The following GULP1 variants were observed in gnomAD, a reference collection of about 807,000 sequenced individuals.
GULP1 encodes the protein GULP PTB domain containing engulfment adaptor 1, also known as PTB domain-containing engulfment adapter protein 1.
GULP1 carries 19 observed loss-of-function variants against 40.9 expected under a neutral mutation model. That is an observed-to-expected ratio of 0.46 (90% CI 0.32 to 0.68). GULP1 has a LOEUF of 0.68. GULP1 is among the 30% of genes least tolerant of loss of function. The pLI is 0.03. For missense variants in GULP1, 312 were observed against 362.2 expected, an observed-to-expected ratio of 0.86 and a Z score of 1.12; for synonymous variants, 119 against 117.6, an observed-to-expected ratio of 1.01 and a Z score of -0.08.
Position 188,321,595 on chromosome 2 carries a change from A to G in GULP1, c.-172+29429A>G, listed in dbSNP as rs2039988077. ...TACTGGCACTGTTTATCACTTGTATAGATGTATTTTTATTGAAATAAACTT... is the reference window on the plus strand; with the variant it reads ...TACTGGCACTGTTTATCACTTGTATGGATGTATTTTTATTGAAATAAACTT... On this transcript the variant is annotated intron_variant, in intron 1 of 11. Transcript: ENST00000409830. Among the ~76,000 whole-genome samples, 2 of 152,156 alleles carry G rather than the reference A, an allele frequency of 1.3e-5. 1 individual carries two copies. Among genetic ancestry groups the G allele is most frequent in the Admixed American group, 1.3e-4 (2 of 15,258 alleles).
At chr2:188,466,880 C>T (rs1053950900) in intron 2 of GULP1, among the ~76,000 whole-genome samples, 2 of 152,026 alleles carry the variant, frequency 1.3e-5, no homozygotes, top group Non-Finnish European at 2.9e-5. Flanking sequence ...TAAGGAAAGG[C>T]TTCAAAACAA....
Position 188,440,422 on chromosome 2 carries a change from C to T in GULP1, c.-44-37237C>T, listed in dbSNP as rs187263892. On this transcript the variant is annotated intron_variant, in intron 2 of 11. Coordinates refer to ENST00000409830, the MANE Select transcript of GULP1 (RefSeq NM_016315.4). ...GGTTACACGGGGCATTAATTAATTT[C>T]GGAAAGGGTCACACTCATGCAAAAG... Among the ~76,000 whole-genome samples the T allele has an allele frequency of 2.8e-3, 419 of 152,258 alleles. 2 individuals carry two copies. Among genetic ancestry groups the T allele is most frequent in the African/African-American group, 9.6e-3 (400 of 41,552 alleles).
intron 1 of GULP1, among the ~76,000 whole-genome samples, chr2:188,355,841 A>G (rs2045229810): frequency 6.6e-6 from 1 of 152,120 alleles, no homozygotes; most frequent in African/African-American, 2.4e-5. Context: ...GTATATGATT[A>G]TCAAGTGGGA....
intron 2 of GULP1, among the ~76,000 whole-genome samples, chr2:188,413,136 A>G (rs2054131708): frequency 6.6e-6 from 1 of 152,168 alleles, no homozygotes; most frequent in South Asian, 2.1e-4. Flanking sequence ...TGATTTATGC[A>G]TATTGCTGAA....
rs530107304 is a variant in GULP1, at chr2:188,344,943, T to A, written c.-171-38820T>A. On this transcript the variant is annotated intron_variant, in intron 1 of 11. Coordinates refer to ENST00000409830, the MANE Select transcript of GULP1 (RefSeq NM_016315.4). The stretch of plus-strand genomic sequence containing the variant: ...AAATAGATATGTCTTGCAATGTACT[T>A]TTTTAAAAAAAGTATAGCTTTGTTA... 9.2e-5 allele frequency among the ~76,000 whole-genome samples: 14 copies of A among 152,340 alleles called. No homozygotes were observed. The South Asian group carries it at 2.9e-3, about 32-fold the overall frequency.
chr2:188,445,961 A>T (rs3924673), intron 2 of GULP1, among the ~76,000 whole-genome samples: 3 of 152,064 alleles, frequency 2.0e-5, no homozygotes, highest in African/African-American at 7.2e-5. Context: ...AAACTCGTTT[A>T]TGATCACAGA....
At chr2:188,528,654 G>A (rs934089892) in intron 5 of GULP1, among the ~76,000 whole-genome samples, 1 of 151,974 alleles carries the variant, frequency 6.6e-6, no homozygotes, top group Non-Finnish European at 1.5e-5. Flanking sequence ...TTATTGATGT[G>A]GTTGGATAGA....
intron 1 of GULP1, among the ~76,000 whole-genome samples, chr2:188,296,707 G>A (rs1014876361): frequency 4.6e-5 from 7 of 152,016 alleles, no homozygotes; most frequent in Non-Finnish European, 1.0e-4. Context: ...TTTAAAGGAA[G>A]TTTTGAATAG....
At chr2:188,503,503 G>GC (rs1329925381) in intron 4 of GULP1, among the ~76,000 whole-genome samples, 2 of 151,726 alleles carry the variant, frequency 1.3e-5, no homozygotes, top group Admixed American at 6.6e-5. Context: ...GGAGGAAACT[G>GC]CCCCCCGTGA....
chr2:188,392,301 G>T (rs1195171368), intron 2 of GULP1, among the ~76,000 whole-genome samples: 1 of 131,392 alleles, frequency 7.6e-6, no homozygotes, highest in Non-Finnish European at 1.8e-5. Context: ...TTTGTTCAGG[G>T]TTTTTATTTC....
chr2:188,337,831 G>A (rs978993506), intron 1 of GULP1, among the ~76,000 whole-genome samples: 3 of 151,692 alleles, frequency 2.0e-5, no homozygotes, highest in African/African-American at 7.3e-5. Flanking sequence ...AATTAACTAG[G>A]GTCCATTTAC....
intron 9 of GULP1, among the ~76,000 whole-genome samples, chr2:188,573,898 C>T (rs927642406): frequency 1.3e-5 from 2 of 152,126 alleles, no homozygotes; most frequent in Non-Finnish European, 2.9e-5. Context: ...CACAACTGAC[C>T]AGCCCAAGAC....
intron 2 of GULP1, among the ~76,000 whole-genome samples, chr2:188,423,093 A>G (rs1172587720): frequency 6.6e-6 from 1 of 152,064 alleles, no homozygotes; most frequent in African/African-American, 2.4e-5. Flanking sequence ...TTTATTCACT[A>G]TTCTACAGGA....
chr2:188,407,045 G>A (rs1345512828), intron 2 of GULP1, among the ~76,000 whole-genome samples: 1 of 152,124 alleles, frequency 6.6e-6, no homozygotes, highest in African/African-American at 2.4e-5. Flanking sequence ...TTTCAAAGAG[G>A]CCAGCAGCAA....
chr2:188,315,616 T>C (rs1366802900), intron 1 of GULP1, among the ~76,000 whole-genome samples: 2 of 152,156 alleles, frequency 1.3e-5, no homozygotes, highest in African/African-American at 4.8e-5. Flanking sequence ...ATGAATACAG[T>C]AGGCCCCCTT....
chr2:188,402,663 CTTAG>C (rs1222423016), intron 2 of GULP1, among the ~76,000 whole-genome samples: 2 of 151,962 alleles, frequency 1.3e-5, no homozygotes, highest in African/African-American at 4.8e-5. Flanking sequence ...AAAATTTTGG[CTTAG>C]TTAGGAGTAC....
intron 4 of GULP1, among the ~76,000 whole-genome samples, chr2:188,489,390 A>G (rs1010035615): frequency 5.9e-5 from 9 of 152,072 alleles, no homozygotes; most frequent in African/African-American, 2.2e-4. Flanking sequence ...GCTCAATTGC[A>G]TTTCCAGATA....
chr2:188,457,176 T>A (rs931663507), intron 2 of GULP1, among the ~76,000 whole-genome samples: 22 of 152,174 alleles, frequency 1.4e-4, no homozygotes, highest in African/African-American at 5.3e-4. Flanking sequence ...AATGCTGAAA[T>A]TAGTTAAGAC....
intron 1 of GULP1, among the ~76,000 whole-genome samples, chr2:188,357,168 C>A (rs1382474602): frequency 2.6e-5 from 4 of 152,040 alleles, no homozygotes. Context: ...ACGAATATGA[C>A]CTCAAAAGCA....
Sources: gnomAD v4.1 joint callset for allele counts (sites outside exome capture counted in the v4.1 genomes callset) on GRCh38, gnomAD v4.1.1 for gene constraint, MANE v1.5 for transcripts, NCBI Gene and HGNC (gene_info 2026-07-23, HGNC 2026-07-21) for gene names.